MACROD2: variants seen among roughly 807,000 people sequenced by gnomAD.
The protein encoded by MACROD2 is mono-ADP ribosylhydrolase 2.
MACROD2 carries 36 observed loss-of-function variants against 70.4 expected under a neutral mutation model. The ratio of observed to expected loss-of-function variants is 0.51; its 90% CI spans 0.39 to 0.68. MACROD2 has a LOEUF of 0.68. Among genes scored for constraint, MACROD2 ranks in the 30% least tolerant of loss-of-function variants. The pLI, the probability that MACROD2 is intolerant of heterozygous loss-of-function variation, is 0.00. For missense variants in MACROD2, 496 were observed against 538.4 expected, an observed-to-expected ratio of 0.92 and a Z score of 0.78; for synonymous variants, 172 against 178.8, an observed-to-expected ratio of 0.96 and a Z score of 0.30.
At chr20:15,611,051 G>A (rs1164197870) in intron 8 of MACROD2, among the ~76,000 whole-genome samples, 1 of 119,856 alleles carries the variant, frequency 8.3e-6, no homozygotes, top group Non-Finnish European at 1.6e-5. Flanking sequence ...TGCCCTCTCA[G>A]TCTGCCAATA....
At chr20:15,449,566 T>A (rs2046613462) in intron 7 of MACROD2, among the ~76,000 whole-genome samples, 2 of 152,212 alleles carry the variant, frequency 1.3e-5, no homozygotes, top group African/African-American at 4.8e-5. Context: ...ATTCACTTCA[T>A]ATATAAGCCT....
intron 3 of MACROD2, among the ~76,000 whole-genome samples, chr20:14,322,337 A>C (rs1185086248): frequency 6.7e-6 from 1 of 149,872 alleles, no homozygotes; most frequent in Non-Finnish European, 1.5e-5. Flanking sequence ...CAAAAGGTGT[A>C]TTTTAGAACA....
intron 16 of MACROD2, among the ~76,000 whole-genome samples, chr20:16,043,390 CA>C (rs1296725323): frequency 6.6e-6 from 1 of 152,062 alleles, no homozygotes; most frequent in Non-Finnish European, 1.5e-5. Context: ...CTAGCTTCTG[CA>C]GAGGTTTTAC....
intron 5 of MACROD2, among the ~76,000 whole-genome samples, chr20:15,228,759 A>T (rs918015418): frequency 6.6e-5 from 10 of 152,190 alleles, no homozygotes; most frequent in South Asian, 2.1e-4. Context: ...AAGTGCTGGG[A>T]TTACAGGCGT....
intron 3 of MACROD2, among the ~76,000 whole-genome samples, chr20:14,284,810 T>C (rs2082331359): frequency 6.6e-6 from 1 of 152,220 alleles, no homozygotes; most frequent in South Asian, 2.1e-4. Context: ...TTAGTTTTGG[T>C]TGCTGGTTTA....
intron 15 of MACROD2, among the ~76,000 whole-genome samples, chr20:16,024,502 CACACACACACAGACACACACACACACAG>C (rs1353757626): frequency 7.0e-6 from 1 of 142,696 alleles, no homozygotes; most frequent in Non-Finnish European, 1.6e-5. Context: ...CATGTTCACA[CACACACACACAGACACACACACACACAG>C]ACACACACAC....
chr20:15,329,116 CAG>C (rs2077964127), intron 6 of MACROD2, among the ~76,000 whole-genome samples: 1 of 152,184 alleles, frequency 6.6e-6, no homozygotes, highest in East Asian at 1.9e-4. Flanking sequence ...CAGATGTTAG[CAG>C]AGTCTATTCG....
At chr20:15,234,299 T>C (rs2076994073) in intron 6 of MACROD2, among the ~76,000 whole-genome samples, 1 of 151,184 alleles carries the variant, frequency 6.6e-6, no homozygotes, top group East Asian at 1.9e-4. Flanking sequence ...CCCAAAGTGC[T>C]GGGATTACAA....
chr20:15,504,285 C>T (rs917306383), intron 8 of MACROD2, among the ~76,000 whole-genome samples: 13 of 151,888 alleles, frequency 8.6e-5, no homozygotes, highest in East Asian at 7.7e-4. Flanking sequence ...CTCAGAAACC[C>T]GAGGGGAGGA....
intron 3 of MACROD2, among the ~76,000 whole-genome samples, chr20:14,467,018 A>G (rs2084460157): frequency 6.6e-6 from 1 of 152,148 alleles, no homozygotes; most frequent in South Asian, 2.1e-4. Context: ...CCATTCTCAG[A>G]TCTCAAACTG....
intron 3 of MACROD2, among the ~76,000 whole-genome samples, chr20:14,409,776 G>C (rs997081319): frequency 1.3e-5 from 2 of 152,002 alleles, no homozygotes; most frequent in Non-Finnish European, 2.9e-5. Context: ...ATTGCTGCTC[G>C]GGTTGGAGAG....
At chr20:15,185,096 A>G (rs1160215577) in intron 5 of MACROD2, among the ~76,000 whole-genome samples, 1 of 152,150 alleles carries the variant, frequency 6.6e-6, no homozygotes, top group Non-Finnish European at 1.5e-5. Context: ...TTGTTACTGT[A>G]TCATAGGATC....
intron 5 of MACROD2, among the ~76,000 whole-genome samples, chr20:14,836,184 G>A (rs951442157): frequency 6.6e-6 from 1 of 152,056 alleles, no homozygotes; most frequent in Admixed American, 6.6e-5. Context: ...AAAAGAGTGG[G>A]TTAAGCAAGT....
At chr20:14,874,712 TA>T (rs2073530030) in intron 5 of MACROD2, among the ~76,000 whole-genome samples, 1 of 137,978 alleles carries the variant, frequency 7.2e-6, no homozygotes, top group Non-Finnish European at 1.6e-5. Flanking sequence ...TTTATTTATT[TA>T]TTTATTTTTG....
chr20:15,197,960 CTTTTTT>C (rs56284199), intron 5 of MACROD2, among the ~76,000 whole-genome samples: 2 of 118,714 alleles, frequency 1.7e-5, no homozygotes, highest in Admixed American at 1.0e-4. Flanking sequence ...GCCTGGCCTC[CTTTTTT>C]TTTTTTTTTT....
intron 5 of MACROD2, among the ~76,000 whole-genome samples, chr20:15,178,443 C>G (rs569485591): frequency 6.6e-6 from 1 of 152,206 alleles, no homozygotes. Flanking sequence ...TGTCCAAAGT[C>G]ACAGAATTAT....
At chr20:14,156,756 A>G (rs2055109750) in intron 3 of MACROD2, among the ~76,000 whole-genome samples, 3 of 152,326 alleles carry the variant, frequency 2.0e-5, no homozygotes, top group South Asian at 2.1e-4. Flanking sequence ...TGATGATTAA[A>G]TATTGTATGA....
chr20:14,009,263 G>GA (rs1197705150), intron 2 of MACROD2, among the ~76,000 whole-genome samples: 3 of 152,156 alleles, frequency 2.0e-5, no homozygotes, highest in Non-Finnish European at 2.9e-5. Flanking sequence ...AAATTTACAA[G>GA]AAAAAACCAA....
In MACROD2 at chr20:16,050,947, A is replaced by T. The variant is rs757633442; in HGVS notation, c.*1071A>T. ...TTATGCCAAGTTCAAGGCTGATTCA[A>T]TGGTTGGTCCCCTCACCCAGAAAAC... On this transcript the variant is annotated 3_prime_UTR_variant, in exon 18 of 18. Coordinates refer to ENST00000684519, the MANE Select transcript of MACROD2 (RefSeq NM_001351661.2). 1.3e-5 allele frequency: 2 copies of T among 152,224 alleles called. No individual in the cohort carries two copies. The highest frequency in any genetic ancestry group is 4.8e-5 in the African/African-American group (2 of 41,446). 9.4% of individuals were successfully genotyped at this position (152,224 alleles called of 1,614,324 possible).
Sources: gnomAD v4.1 joint callset for allele counts (sites outside exome capture counted in the v4.1 genomes callset) on GRCh38, gnomAD v4.1.1 for gene constraint, MANE v1.5 for transcripts, NCBI Gene and HGNC (gene_info 2026-07-23, HGNC 2026-07-21) for gene names.